The following SEM1 variants were observed in gnomAD, a reference collection of about 807,000 sequenced individuals.
The protein encoded by SEM1 is 26S proteasome complex subunit SEM1.
In SEM1, 3 loss-of-function variants were observed where a neutral mutation model predicts 12.7. The ratio of observed to expected loss-of-function variants is 0.24; its 90% CI spans 0.11 to 0.61. The LOEUF is 0.61. SEM1 is among the 20% of genes least tolerant of loss of function. The pLI is 0.88. For synonymous variants in SEM1, 30 were observed against 27.8 expected (o/e 1.08, Z -0.25); for missense variants, 59 against 81.3 (o/e 0.73, Z 1.06).
chr7:96,490,702 C>A (rs1802972122), intron 1 of SEM1, among the ~76,000 whole-genome samples: 1 of 152,088 alleles, frequency 6.6e-6, no homozygotes, highest in South Asian at 2.1e-4. Context: ...CAAGCCCAAG[C>A]CAAACGTGAT....
chr7:96,636,455 G>A (rs1808429527), intron 2 of SEM1, among the ~76,000 whole-genome samples: 1 of 151,924 alleles, frequency 6.6e-6, no homozygotes, highest in African/African-American at 2.4e-5. Context: ...GCAACCCATG[G>A]TTACCACCAA....
intron 2 of SEM1, among the ~76,000 whole-genome samples, chr7:96,581,069 C>T (rs1200798870): frequency 1.3e-5 from 2 of 152,102 alleles, no homozygotes; most frequent in Admixed American, 6.5e-5. Flanking sequence ...AATGGTAATG[C>T]GTAGGTTTTC....
At chr7:96,588,853 A>C (rs928603794) in intron 2 of SEM1, among the ~76,000 whole-genome samples, 2 of 152,234 alleles carry the variant, frequency 1.3e-5, no homozygotes, top group Non-Finnish European at 2.9e-5. Flanking sequence ...AGATGATAAA[A>C]CTTGAAATGT....
intron 2 of SEM1, among the ~76,000 whole-genome samples, chr7:96,609,063 A>G (rs1358033905): frequency 6.6e-6 from 1 of 152,180 alleles, no homozygotes; most frequent in African/African-American, 2.4e-5. Flanking sequence ...CCTATAAGCA[A>G]TATGTGAGGG....
chr7:96,650,339 G>T (rs1374378146), intron 2 of SEM1: 2 of 521,046 alleles, frequency 3.8e-6, no homozygotes, highest in Admixed American at 7.1e-5. Flanking sequence ...TCTTTGTCTT[G>T]TGAGTTGATG....
chr7:96,593,463 A>G (rs1253595877), intron 2 of SEM1, among the ~76,000 whole-genome samples: 2 of 152,172 alleles, frequency 1.3e-5, no homozygotes, highest in African/African-American at 4.8e-5. Context: ...GCCACCTGGA[A>G]CTAATTTTTT....
At chr7:96,663,419 A>G (rs1477877547) in intron 2 of SEM1, among the ~76,000 whole-genome samples, 1 of 152,212 alleles carries the variant, frequency 6.6e-6, no homozygotes, top group Non-Finnish European at 1.5e-5. Context: ...TTTGCTGGGG[A>G]CAGCACCTGT....
chr7:96,693,790 G>GTGTGTA (rs1023821213), intron 2 of SEM1, among the ~76,000 whole-genome samples: 25 of 145,542 alleles, frequency 1.7e-4, no homozygotes, highest in African/African-American at 5.0e-4. Flanking sequence ...GTGTGTGTGT[G>GTGTGTA]TATATATATA....
chr7:96,667,653 T>G (rs887626247), intron 2 of SEM1, among the ~76,000 whole-genome samples: 4 of 152,218 alleles, frequency 2.6e-5, no homozygotes, highest in African/African-American at 2.4e-5. Context: ...ATTGCCTTAG[T>G]GCTGGCAGAT....
Position 96,563,828 on chromosome 7 carries a change from T to C in SEM1, c.171-57130A>G, listed in dbSNP as rs535353393. 2.1e-3 allele frequency among the ~76,000 whole-genome samples: 322 copies of C among 152,192 alleles called. 1 individual carries two copies. Among genetic ancestry groups the C allele is most frequent in the South Asian group, 9.1e-3 (44 of 4,820 alleles). ...AACTGTTAATACTCACCTTCTTGTA[T>C]ATAAAGAGAAATCCACCCAGATTAG... is the stretch of plus-strand genomic sequence containing the variant. On this transcript the variant is annotated intron_variant and NMD_transcript_variant, in intron 2 of 3. Transcript: ENST00000466986.
At chr7:96,691,095 T>C (rs1789919636) in intron 2 of SEM1, among the ~76,000 whole-genome samples, 1 of 152,162 alleles carries the variant, frequency 6.6e-6, no homozygotes, top group African/African-American at 2.4e-5. Flanking sequence ...AGAGTTTTTA[T>C]GTAAGACGTG....
At chr7:96,635,248 G>T (rs1808397068) in intron 2 of SEM1, among the ~76,000 whole-genome samples, 1 of 152,044 alleles carries the variant, frequency 6.6e-6, no homozygotes, top group Non-Finnish European at 1.5e-5. Flanking sequence ...GATGGGGGTG[G>T]GTGTGGGGAA....
At chr7:96,501,985 T>G (rs1167164455) in intron 3 of SEM1, among the ~76,000 whole-genome samples, 1 of 152,120 alleles carries the variant, frequency 6.6e-6, no homozygotes, top group African/African-American at 2.4e-5. Context: ...GGAATTTTGT[T>G]TTCTGTTCCT....
At chr7:96,495,826 T>A (rs1466957223) in intron 1 of SEM1, among the ~76,000 whole-genome samples, 1 of 152,066 alleles carries the variant, frequency 6.6e-6, no homozygotes, top group Non-Finnish European at 1.5e-5. Flanking sequence ...CAGATGAAGG[T>A]CTTGTTTGAG....
chr7:96,696,508 C>T (rs895924469), intron 1 of SEM1: 3 of 151,846 alleles, frequency 2.0e-5, no homozygotes, highest in African/African-American at 7.2e-5. Context: ...TACCACCCTT[C>T]CAATTATCAT....
At chr7:96,535,545 A>G (rs1804762103) in intron 2 of SEM1, among the ~76,000 whole-genome samples, 1 of 151,876 alleles carries the variant, frequency 6.6e-6, no homozygotes, top group South Asian at 2.1e-4. Flanking sequence ...AATTTCACGT[A>G]CAGATTCTTT....
upstream of SEM1, among the ~76,000 whole-genome samples, chr7:96,500,344 A>G (rs1481300593): frequency 3.3e-5 from 5 of 152,082 alleles, no homozygotes; most frequent in Non-Finnish European, 4.4e-5. Flanking sequence ...AAGAACAGCA[A>G]CCTGTGAAAA....
chr7:96,639,798 A>C (rs1284603002), intron 2 of SEM1, among the ~76,000 whole-genome samples: 1 of 151,950 alleles, frequency 6.6e-6, no homozygotes, highest in African/African-American at 2.4e-5. Flanking sequence ...CAAGCCACAG[A>C]CTGGGAGAAA....
At chr7:96,497,005 GTA>G (rs61048570), upstream of SEM1, among the ~76,000 whole-genome samples, 36,650 of 150,030 alleles carry the variant, frequency 0.24, 5,322 homozygotes, top group African/African-American at 0.42. Context: ...GCACGAGCAC[GTA>G]TACACACACA....
Sources: allele counts gnomAD v4.1 joint callset (sites outside exome capture counted in the v4.1 genomes callset), GRCh38; gene constraint gnomAD v4.1.1; transcripts MANE v1.5; gene names NCBI Gene and HGNC (gene_info 2026-07-23, HGNC 2026-07-21).